The following EGFLAM variants were observed in gnomAD, a reference collection of about 807,000 sequenced individuals.
The protein encoded by EGFLAM is EGF like, fibronectin type III and laminin G domains.
In EGFLAM, 79 loss-of-function variants were observed where a neutral mutation model predicts 113.1. The observed-to-expected ratio is 0.70, with a 90% CI of 0.58 to 0.84. The LOEUF (loss-of-function observed/expected upper bound fraction) is 0.84. EGFLAM is among the 40% of genes least tolerant of loss of function. The pLI is 0.00. For synonymous variants in EGFLAM, 504 were observed against 487.6 expected (o/e 1.03, Z -0.44); for missense variants, 1,265 against 1,291.6 (o/e 0.98, Z 0.32).
intron 1 of EGFLAM, among the ~76,000 whole-genome samples, chr5:38,261,466 T>C (rs1051361157): frequency 6.6e-6 from 1 of 152,078 alleles, no homozygotes; most frequent in Non-Finnish European, 1.5e-5. Flanking sequence ...GAAGGAGAAA[T>C]TGTGGCTTAG....
Position 38,427,095 on chromosome 5 carries a change from T to C in EGFLAM, c.1897T>C (p.Ser633Pro). The C allele has an allele frequency of 6.2e-7, 1 of 1,614,106 alleles. No individual in the cohort carries two copies. The highest frequency in any genetic ancestry group is 8.5e-7 in the Non-Finnish European group (1 of 1,180,012). Residue 633 changes from serine (S) to proline (P), a missense_variant, in exon 14 of 22, where the codon TCC becomes CCC. Transcript: ENST00000322350. ...PWPLEPQHYL[S>P]FMEFEITFRP... ...GCCACTGGAGCCCCAGCATTACCTTTCCTTCATGGAATTTGAGATCACATT... is the reference window on the plus strand; with the variant it reads ...GCCACTGGAGCCCCAGCATTACCTTCCCTTCATGGAATTTGAGATCACATT...
At chr5:38,366,634 C>A (rs1254383265) in intron 5 of EGFLAM, among the ~76,000 whole-genome samples, 2 of 152,152 alleles carry the variant, frequency 1.3e-5, no homozygotes, top group African/African-American at 4.8e-5. Flanking sequence ...AAAGGTATAC[C>A]ACCCAGTGGT....
intron 9 of EGFLAM, 106 bp from the exon 10 acceptor site, chr5:38,408,898 C>T (rs755478778): frequency 5.4e-6 from 5 of 920,160 alleles, no homozygotes; most frequent in Admixed American, 2.0e-5. Context: ...TAGATAGGAT[C>T]GTGGAGGAGA....
chr5:38,445,418 A>G, intron 17 of EGFLAM: 2 of 1,302,440 alleles, frequency 1.5e-6, no homozygotes, highest in Non-Finnish European at 2.0e-6. Flanking sequence ...TTCTTGGTCC[A>G]CCGCCACGCC....
At chr5:38,302,068 C>T (rs866838981) in intron 1 of EGFLAM, among the ~76,000 whole-genome samples, 5 of 151,896 alleles carry the variant, frequency 3.3e-5, no homozygotes, top group Admixed American at 6.6e-5. Flanking sequence ...AGCGAAACCC[C>T]GTCTCTACTA....
At chr5:38,303,723 T>C (rs925995788) in intron 1 of EGFLAM, among the ~76,000 whole-genome samples, 2 of 152,220 alleles carry the variant, frequency 1.3e-5, no homozygotes, top group African/African-American at 2.4e-5. Context: ...CTGTTGCCCC[T>C]ACTCAAAGCT....
chr5:38,435,287 A>C, intron 16 of EGFLAM, 34 bp downstream of exon 16: 3 of 1,469,050 alleles, frequency 2.0e-6, no homozygotes, highest in Non-Finnish European at 2.9e-6. Context: ...TTACTGGGCC[A>C]CCCAGACTGT....
At chr5:38,340,256 G>A (rs2111954689) in intron 3 of EGFLAM, among the ~76,000 whole-genome samples, 1 of 152,282 alleles carries the variant, frequency 6.6e-6, no homozygotes, top group East Asian at 1.9e-4. Context: ...GGGTAATGTT[G>A]GTCAGAGTCA....
chr5:38,313,901 C>A (rs905890683), intron 1 of EGFLAM, among the ~76,000 whole-genome samples: 1 of 152,020 alleles, frequency 6.6e-6, no homozygotes, highest in South Asian at 2.1e-4. Context: ...ATATGTTAAA[C>A]GATATTAATC....
At chr5:38,299,174 G>T (rs2111819687) in intron 1 of EGFLAM, among the ~76,000 whole-genome samples, 1 of 152,326 alleles carries the variant, frequency 6.6e-6, no homozygotes, top group African/African-American at 2.4e-5. Context: ...ACTACCATGT[G>T]CTGCCCCTCG....
At chr5:38,412,401 G>A in intron 10 of EGFLAM, 103 bp from the exon 11 acceptor site, 11 of 1,552,522 alleles carry the variant, frequency 7.1e-6, no homozygotes, top group Non-Finnish European at 9.7e-6. Context: ...TGAACAGACT[G>A]ACTCTGAAGG....
chr5:38,372,600 T>C (rs554969797), intron 6 of EGFLAM, among the ~76,000 whole-genome samples: 5 of 152,362 alleles, frequency 3.3e-5, no homozygotes, highest in East Asian at 3.9e-4. Context: ...GATTTTATTA[T>C]AATTGGCCTG....
chr5:38,274,583 C>A (rs1757842007), intron 1 of EGFLAM, among the ~76,000 whole-genome samples: 1 of 151,994 alleles, frequency 6.6e-6, no homozygotes, highest in African/African-American at 2.4e-5. Context: ...AACTGCCAAC[C>A]AAGAATACTG....
At chr5:38,394,052 G>A (rs574002531) in intron 6 of EGFLAM, among the ~76,000 whole-genome samples, 6 of 152,198 alleles carry the variant, frequency 3.9e-5, no homozygotes, top group African/African-American at 9.6e-5. Flanking sequence ...CTCCGAAGCC[G>A]CACCGTCTGA....
In EGFLAM at chr5:38,325,796, ACAT is replaced by A. The variant is rs1738864124; in HGVS notation, c.98-11721_98-11719del. ...TACTTCATGAGGATAAAATCCAGTA[ACAT>A]CAGAATGGTTGTTATCTCTGGAAGA... On this transcript the variant is annotated intron_variant, in intron 1 of 21. Coordinates refer to ENST00000322350, the MANE Select transcript of EGFLAM (RefSeq NM_152403.4). 6.6e-5 allele frequency among the ~76,000 whole-genome samples: 10 copies of A among 152,312 alleles called. No individual in the cohort carries two copies. In the South Asian group the frequency reaches 2.1e-3, roughly 32 times the overall value.
At chr5:38,403,754 A>G in intron 6 of EGFLAM, 1 of 1,561,390 alleles carries the variant, frequency 6.4e-7, no homozygotes, top group Non-Finnish European at 8.7e-7. Context: ...GCAGAAAGCA[A>G]AAATACAGAT....
At chr5:38,405,756 A>G (rs1307616043) in intron 6 of EGFLAM, among the ~76,000 whole-genome samples, 1 of 152,234 alleles carries the variant, frequency 6.6e-6, no homozygotes, top group African/African-American at 2.4e-5. Context: ...ATGAACAAAC[A>G]TCTACTTTAT....
rs762410282 is a variant in EGFLAM at position 38,406,890 on chromosome 5, G to A, written c.891G>A (p.Met297Ile). 3.7e-6 allele frequency: 6 copies of A among 1,614,092 alleles called. No individual in the cohort carries two copies. In the Admixed American group the frequency reaches 8.3e-5, roughly 22 times the overall value. Residue 297 changes from methionine to isoleucine, a missense_variant, in exon 8 of 22, where the codon ATG becomes ATA. Coordinates refer to ENST00000322350, the MANE Select transcript of EGFLAM (RefSeq NM_152403.4). ...AATTTTTGGTGGAAAGCAAGAAGAT[G>A]TCTATATCTAACCCAAAGACCATTT... ...NKKFLVESKKMSISNPKTISR... is the reference protein window; with the variant it reads ...NKKFLVESKKISISNPKTISR...
chr5:38,459,323 C>T (rs1351421672), intron 20 of EGFLAM, among the ~76,000 whole-genome samples: 3 of 151,216 alleles, frequency 2.0e-5, no homozygotes, highest in African/African-American at 7.3e-5. Flanking sequence ...TTTTTTTACA[C>T]ATTACCTAAA....
Sources: gnomAD v4.1 joint callset for allele counts (sites outside exome capture counted in the v4.1 genomes callset) on GRCh38, gnomAD v4.1.1 for gene constraint, MANE v1.5 for transcripts, NCBI Gene and HGNC (gene_info 2026-07-23, HGNC 2026-07-21) for gene names.